Variants in NEBL observed in about 807,000 individuals in gnomAD.
The protein encoded by NEBL is LIM and SH3 protein 2.
Under a neutral mutation model 140.2 loss-of-function variants are expected in NEBL, and 122 were observed. The observed-to-expected ratio is 0.87, with a 90% CI of 0.75 to 1.01. NEBL has a LOEUF of 1.01. Among genes scored for constraint, NEBL ranks in the 50% least tolerant of loss-of-function variants. The pLI, the probability that NEBL is intolerant of heterozygous loss-of-function variation, is 0.00. For missense variants in NEBL, 1,365 were observed against 1,231.3 expected (o/e 1.11, Z -1.62); for synonymous variants, 436 against 398.9 (o/e 1.09, Z -1.11).
At chr10:21,230,680 C>T (rs1589339167) in intron 3 of NEBL, among the ~76,000 whole-genome samples, 1 of 150,922 alleles carries the variant, frequency 6.6e-6, no homozygotes, top group South Asian at 2.1e-4. Context: ...TCTTGGTTCA[C>T]TGCAACCTCC....
chr10:21,262,095 T>C (rs974643026), intron 1 of NEBL, among the ~76,000 whole-genome samples: 9 of 152,296 alleles, frequency 5.9e-5, no homozygotes, highest in South Asian at 2.1e-4. Flanking sequence ...GACTTTGTCT[T>C]ATTATCCTGG....
intron 2 of NEBL, chr10:21,170,864 T>A (rs1841041158): frequency 6.6e-6 from 1 of 152,232 alleles, no homozygotes; most frequent in Admixed American, 6.5e-5. Context: ...TGTCAGTATG[T>A]AATGAAGCAT....
intron 26 of NEBL, among the ~76,000 whole-genome samples, chr10:20,789,082 G>T (rs538424350): frequency 3.0e-4 from 46 of 152,274 alleles, no homozygotes; most frequent in African/African-American, 1.1e-3. Context: ...CTGGAGCACC[G>T]AGGGTCTTGG....
chr10:20,901,748 T>G (rs962484851), upstream of NEBL, among the ~76,000 whole-genome samples: 1 of 152,222 alleles, frequency 6.6e-6, no homozygotes, highest in African/African-American at 2.4e-5. Context: ...TGTTGCCTGG[T>G]TTTTGTTTTG....
At chr10:21,095,842 C>G (rs1695047240) in intron 2 of NEBL, among the ~76,000 whole-genome samples, 2 of 152,138 alleles carry the variant, frequency 1.3e-5, no homozygotes, top group Admixed American at 1.3e-4. Flanking sequence ...CATGAGTCCT[C>G]TTAGTACTGT....
chr10:21,029,964 T>C (rs1258531345), intron 2 of NEBL: 30 of 504,536 alleles, frequency 5.9e-5, no homozygotes, highest in Non-Finnish European at 9.6e-5. Context: ...GGGATGATTA[T>C]AGGTATAATG....
intron 25 of NEBL, among the ~76,000 whole-genome samples, chr10:20,808,971 T>C (rs1218737557): frequency 2.6e-5 from 4 of 152,234 alleles, no homozygotes; most frequent in Non-Finnish European, 5.9e-5. Context: ...TGGTTTTCAA[T>C]AATTCCTTTA....
At position 20,828,555 on chromosome 10, in the gene NEBL, T is replaced by A; in HGVS notation, c.1751A>T (p.Lys584Met). Residue 584 changes from lysine to methionine, a missense_variant, in exon 17 of 28, where the codon AAG (lysine) becomes ATG (methionine). Coordinates refer to ENST00000377122, the MANE Select transcript of NEBL (RefSeq NM_006393.3). ...IADTPEIQRI[K>M]TTQQNISAVF... ...CGCACTAATGTTTTGTTGAGTTGTC[T>A]TAATTCTCTGAATTTCAGGAGTATC... 6.3e-7 allele frequency: 1 copy of A among 1,592,760 alleles called. No individual in the cohort carries two copies. The highest frequency in any genetic ancestry group is 8.6e-7 in the Non-Finnish European group (1 of 1,160,924).
At chr10:20,937,530 G>A (rs1160134955) in intron 4 of NEBL, among the ~76,000 whole-genome samples, 1 of 152,122 alleles carries the variant, frequency 6.6e-6, no homozygotes, top group African/African-American at 2.4e-5. Flanking sequence ...GAAAACAGAT[G>A]ATTTCTGCAT....
intron 1 of NEBL, among the ~76,000 whole-genome samples, chr10:21,280,404 T>C (rs1842977314): frequency 1.3e-5 from 2 of 152,122 alleles, no homozygotes; most frequent in Non-Finnish European, 2.9e-5. Flanking sequence ...GGAGTTGGAT[T>C]TCGGGCAAAG....
chr10:20,993,488 C>G (rs181887831), intron 3 of NEBL, among the ~76,000 whole-genome samples: 1 of 152,198 alleles, frequency 6.6e-6, no homozygotes, highest in Non-Finnish European at 1.5e-5. Context: ...TAGGCATTCA[C>G]GCGTCTTGCT....
At chr10:21,150,843 G>A (rs1246763788) in intron 2 of NEBL, among the ~76,000 whole-genome samples, 1 of 152,116 alleles carries the variant, frequency 6.6e-6, no homozygotes, top group East Asian at 1.9e-4. Flanking sequence ...AAAATTAATA[G>A]GAAGTGGAAT....
chr10:21,207,242 G>A (rs1028665119), intron 3 of NEBL, among the ~76,000 whole-genome samples: 1 of 151,774 alleles, frequency 6.6e-6, no homozygotes, highest in Non-Finnish European at 1.5e-5. Context: ...CCAAAGTGCT[G>A]GGATTACAGA....
chr10:21,182,547 T>C (rs1316363398), intron 3 of NEBL, among the ~76,000 whole-genome samples: 3 of 152,200 alleles, frequency 2.0e-5, no homozygotes, highest in African/African-American at 7.2e-5. Flanking sequence ...AAGACAAATA[T>C]TCCCATTTCC....
chr10:20,923,535 C>T (rs963274329), intron 4 of NEBL, among the ~76,000 whole-genome samples: 2 of 151,140 alleles, frequency 1.3e-5, no homozygotes, highest in East Asian at 1.9e-4. Context: ...AAAAATTAGC[C>T]GGGCATAGTG....
At chr10:20,909,715 A>G (rs868313315) in intron 4 of NEBL, among the ~76,000 whole-genome samples, 1 of 152,160 alleles carries the variant, frequency 6.6e-6, no homozygotes, top group South Asian at 2.1e-4. Context: ...TAACTCAACA[A>G]TTCTCTCAAT....
At chr10:20,851,041 C>T (rs1842454353) in intron 10 of NEBL, among the ~76,000 whole-genome samples, 1 of 152,164 alleles carries the variant, frequency 6.6e-6, no homozygotes, top group African/African-American at 2.4e-5. Flanking sequence ...TTTCACTATG[C>T]AATATTTAAT....
rs1433756329 is a variant in NEBL at position 20,781,489 on chromosome 10, TGATGCA to T, written c.*4252_*4257del. The T allele has an allele frequency of 6.6e-6, 1 of 152,210 alleles. No homozygotes were observed. The highest frequency in any genetic ancestry group is 1.9e-4 in the East Asian group (1 of 5,194). The allele number at this position is 152,210 out of a possible 1,614,324, so 9.4% of individuals were successfully genotyped here. ...GCATGGACACTGGAGAATGGGACTG[TGATGCA>T]GTTTTCTCTTTTCCTTTAAAGTACA... On this transcript the variant is annotated 3_prime_UTR_variant, in exon 28 of 28. Coordinates refer to ENST00000377122, the MANE Select transcript of NEBL (RefSeq NM_006393.3).
chr10:20,810,765 G>C (rs1327044683), intron 24 of NEBL, among the ~76,000 whole-genome samples: 1 of 152,122 alleles, frequency 6.6e-6, no homozygotes. Flanking sequence ...GGCAGAAATG[G>C]GGCTACAGCA....
Sources: allele counts gnomAD v4.1 joint callset (sites outside exome capture counted in the v4.1 genomes callset), GRCh38; gene constraint gnomAD v4.1.1; transcripts MANE v1.5; gene names NCBI Gene and HGNC (gene_info 2026-07-23, HGNC 2026-07-21).